The following C2orf72 variants were observed in gnomAD, a reference collection of about 807,000 sequenced individuals.
C2orf72 encodes uncharacterized protein C2orf72.
C2orf72 carries 16 observed loss-of-function variants against 14.4 expected under a neutral mutation model. The observed-to-expected ratio is 1.11, with a 90% CI of 0.75 to 1.69. The LOEUF is 1.69. Ranked by LOEUF, C2orf72 falls within the 40% of genes most tolerant of loss-of-function variation. C2orf72 has a pLI of 0.00. For missense variants in C2orf72, 371 were observed against 358.3 expected (o/e 1.04, Z -0.29); for synonymous variants, 168 against 176.8 (o/e 0.95, Z 0.40).
At position 231,047,247 on chromosome 2, in the gene C2orf72, AC is replaced by A. The variant is rs1559210566; in HGVS notation, c.*227del. 4 of 651,346 alleles carry A rather than the reference AC, an allele frequency of 6.1e-6. No homozygotes were observed. The East Asian group carries it at 1.2e-4, about 19-fold the overall frequency. 40.3% of individuals were successfully genotyped at this position (651,346 alleles called of 1,614,324 possible). On this transcript the variant is annotated 3_prime_UTR_variant, in exon 3 of 3. Transcript: ENST00000373640. Reference sequence around the variant, plus strand: ...CACCCAGCATTTGCTAAGTCTGATCACAGGGAGGTTATTTTGTCTCTCTGTC... The same window carrying A: ...CACCCAGCATTTGCTAAGTCTGATCAAGGGAGGTTATTTTGTCTCTCTGTC...
At chr2:231,045,907 T>A (rs866773) in intron 2 of C2orf72, among the ~76,000 whole-genome samples, 1 of 152,202 alleles carries the variant, frequency 6.6e-6, no homozygotes, top group Non-Finnish European at 1.5e-5. Flanking sequence ...GTACTTACTG[T>A]TTTGGAATCT....
intron 2 of C2orf72, among the ~76,000 whole-genome samples, chr2:231,042,883 A>G (rs1370291320): frequency 6.6e-6 from 1 of 152,242 alleles, no homozygotes; most frequent in Non-Finnish European, 1.5e-5. Flanking sequence ...ACATGCCTGT[A>G]ATCCCAGCTA....
chr2:231,045,747 T>C (rs1693407283), intron 2 of C2orf72, among the ~76,000 whole-genome samples: 6 of 152,174 alleles, frequency 3.9e-5, no homozygotes, highest in African/African-American at 1.2e-4. Flanking sequence ...CTCGATCTCC[T>C]GACCTCGTGA....
At chr2:231,045,510 CTTTTTTTTT>C (rs1007020692) in intron 2 of C2orf72, among the ~76,000 whole-genome samples, 20 of 87,422 alleles carry the variant, frequency 2.3e-4, no homozygotes, top group Admixed American at 5.9e-4. Context: ...GTGTTTCAAT[CTTTTTTTTT>C]TTTTTTTTTT....
chr2:231,038,658 G>T (rs911562858), intron 1 of C2orf72, among the ~76,000 whole-genome samples: 22 of 152,110 alleles, frequency 1.4e-4, no homozygotes, highest in Admixed American at 1.4e-3. Flanking sequence ...CCAGAGATGC[G>T]TCGGGAGCTC....
Position 231,037,610 on chromosome 2 carries a change from T to A in C2orf72, c.45T>A (p.Pro15=). 1 of 1,088,194 alleles carries A rather than the reference T, an allele frequency of 9.2e-7. No individual in the cohort carries two copies. Among genetic ancestry groups the A allele is most frequent in the South Asian group, 2.5e-5 (1 of 39,280 alleles). 67.4% of individuals were successfully genotyped at this position (1,088,194 alleles called of 1,614,324 possible). The change falls in exon 1 of 3, where the codon CCT becomes CCA. Residue 15 remains proline, a synonymous_variant. Coordinates refer to ENST00000373640, the MANE Select transcript of C2orf72 (RefSeq NM_001144994.2). ...CGCTGGCGGCCCGGCTTGCGCGCCC[T>A]GCCGAGCCGCCCTTCCAGGCGTTGG... ...LEALAARLAR[P]AEPPFQALVE...
chr2:231,039,505 G>C (rs1422967276), intron 1 of C2orf72, among the ~76,000 whole-genome samples: 1 of 151,958 alleles, frequency 6.6e-6, no homozygotes, highest in Admixed American at 6.5e-5. Flanking sequence ...GGCGTTGGTT[G>C]GGGGGCGGAG....
chr2:231,041,130 T>C (rs560976485), intron 1 of C2orf72, 166 bp from the exon 2 acceptor site: 5 of 542,554 alleles, frequency 9.2e-6, no homozygotes, highest in African/African-American at 7.7e-5. Context: ...TAAAGTTCGG[T>C]TTTAAAAACC....
chr2:231,040,578 A>G (rs1574688727), intron 1 of C2orf72, among the ~76,000 whole-genome samples: 1 of 152,216 alleles, frequency 6.6e-6, no homozygotes, highest in African/African-American at 2.4e-5. Context: ...CTTCACACCA[A>G]ATGGATTCAT....
Position 231,037,923 on chromosome 2 carries a change from G to A in C2orf72, c.358G>A (p.Glu120Lys). The change falls in exon 1 of 3, where the codon GAG becomes AAG. Residue 120 changes from glutamate (E) to lysine (K), a missense_variant. By Grantham distance (56) the Glu-to-Lys change is moderately conservative. Transcript: ENST00000373640. ...LCRASSLAAR[E>K]PRRRLREMLR... Reference sequence around the variant, plus strand: ...CCGCGCGTCGTCGCTGGCCGCCCGGGAGCCGCGGCGCCGCCTGCGGGAGAT... The same window carrying A: ...CCGCGCGTCGTCGCTGGCCGCCCGGAAGCCGCGGCGCCGCCTGCGGGAGAT... The A allele has an allele frequency of 2.9e-6, 3 of 1,029,090 alleles. No homozygotes were observed. The highest frequency in any genetic ancestry group is 3.5e-6 in the Non-Finnish European group (3 of 859,904). 63.7% of individuals were successfully genotyped at this position (1,029,090 alleles called of 1,614,324 possible).
rs1306379828 is a variant in C2orf72, at chr2:231,047,485, T to C, written c.*464T>C. ...GTCTCTGGGGCTTCTGTTTCACAAA[T>C]GCATGAGGGGGCCACCAGCCCAGTG... On this transcript the variant is annotated 3_prime_UTR_variant, in exon 3 of 3. Transcript: ENST00000373640. 1.0e-5 allele frequency: 3 copies of C among 289,184 alleles called. No homozygotes were observed. The highest frequency in any genetic ancestry group is 2.1e-5 in the Non-Finnish European group (3 of 144,924). The allele number at this position is 289,184 out of a possible 1,614,324, so 17.9% of individuals were successfully genotyped here.
chr2:231,045,321 G>A (rs1693401760), intron 2 of C2orf72, among the ~76,000 whole-genome samples: 1 of 151,700 alleles, frequency 6.6e-6, no homozygotes, highest in Non-Finnish European at 1.5e-5. Flanking sequence ...CAGTAACATA[G>A]TCATTTCTTA....
chr2:231,046,399 C>A (rs1045378334), intron 2 of C2orf72, among the ~76,000 whole-genome samples: 7 of 150,644 alleles, frequency 4.6e-5, no homozygotes, highest in African/African-American at 1.7e-4. Context: ...TATGTGTGAG[C>A]CATAGTTCAC....
In C2orf72 at chr2:231,049,348, C is replaced by T. The variant is rs1693460942; in HGVS notation, c.*2327C>T. The T allele has an allele frequency of 6.6e-6, 1 of 152,234 alleles. No individual in the cohort carries two copies. The highest frequency in any genetic ancestry group is 2.4e-5 in the African/African-American group (1 of 41,462). 9.4% of individuals were successfully genotyped at this position (152,234 alleles called of 1,614,324 possible). On this transcript the variant is annotated 3_prime_UTR_variant, in exon 3 of 3. Coordinates refer to ENST00000373640, the MANE Select transcript of C2orf72 (RefSeq NM_001144994.2). The stretch of plus-strand genomic sequence containing the variant: ...CAAGTGACAATACGGGGCTGAGATC[C>T]CTCTCAGCTTCTTTGAGATGTGGCC...
At chr2:231,041,222 G>A (rs1693335771) in intron 1 of C2orf72, 74 bp from the exon 2 acceptor site, 7 of 1,096,118 alleles carry the variant, frequency 6.4e-6, no homozygotes, top group Admixed American at 5.7e-5. Flanking sequence ...CACTTGATTT[G>A]CTAAACGAAA....
Position 231,049,467 on chromosome 2 carries a change from C to T in C2orf72, c.*2446C>T, listed in dbSNP as rs1404484200. The T allele has an allele frequency of 6.6e-6, 1 of 152,122 alleles. No homozygotes were observed. Among genetic ancestry groups the T allele is most frequent in the East Asian group, 1.9e-4 (1 of 5,186 alleles). The allele number at this position is 152,122 out of a possible 1,614,324, so 9.4% of individuals were successfully genotyped here. On this transcript the variant is annotated 3_prime_UTR_variant, in exon 3 of 3. Transcript: ENST00000373640. Reference sequence around the variant, plus strand: ...AGAAAGGACAATCTTGATGGTGGGTCCCCTCCCTGAAGGACTTTAAGAAGG... The same window carrying T: ...AGAAAGGACAATCTTGATGGTGGGTTCCCTCCCTGAAGGACTTTAAGAAGG...
intron 2 of C2orf72, among the ~76,000 whole-genome samples, chr2:231,043,330 T>C (rs554275116): frequency 3.3e-5 from 5 of 151,694 alleles, no homozygotes; most frequent in South Asian, 2.1e-4. Flanking sequence ...AAGGGCTTTA[T>C]AAGGGGCCAG....
intron 2 of C2orf72, among the ~76,000 whole-genome samples, chr2:231,045,861 G>A (rs1008630663): frequency 2.7e-4 from 41 of 152,128 alleles, no homozygotes; most frequent in Non-Finnish European, 3.4e-4. Context: ...ATTAAGGTTC[G>A]TAATTGACCA....
In C2orf72 at chr2:231,047,364, G is replaced by A. The variant is rs1382141136; in HGVS notation, c.*343G>A. ...CCATGGTGTGTCTGCAGTGTTCTGG[G>A]CACATGCATGGGCACCCATCGTTGA... On this transcript the variant is annotated 3_prime_UTR_variant, in exon 3 of 3. Transcript: ENST00000373640. 1.8e-5 allele frequency: 7 copies of A among 387,278 alleles called. No individual in the cohort carries two copies. Among genetic ancestry groups the A allele is most frequent in the Admixed American group, 3.6e-5 (1 of 27,974 alleles). 24.0% of individuals were successfully genotyped at this position (387,278 alleles called of 1,614,324 possible).
Sources: gnomAD v4.1 joint callset for allele counts (sites outside exome capture counted in the v4.1 genomes callset) on GRCh38, gnomAD v4.1.1 for gene constraint, MANE v1.5 for transcripts, NCBI Gene and HGNC (gene_info 2026-07-23, HGNC 2026-07-21) for gene names.